The following NDUFA8 variants were observed in gnomAD, a reference collection of about 807,000 sequenced individuals.
NDUFA8 encodes the protein NADH:ubiquinone oxidoreductase subunit A8, also known as NADH dehydrogenase [ubiquinone] 1 alpha subcomplex subunit 8.
NDUFA8 carries 16 observed loss-of-function variants against 20.9 expected under a neutral mutation model. The observed-to-expected ratio is 0.77, with a 90% CI of 0.52 to 1.16. The LOEUF is 1.16. NDUFA8 is among the 50% of genes most tolerant of loss of function. The probability of loss-of-function intolerance (pLI) is 0.00; values close to 1 mark genes in which losing one functional copy is unlikely to be tolerated. For synonymous variants in NDUFA8, 70 were observed against 76.1 expected (o/e 0.92, Z 0.41); for missense variants, 202 against 216.4 (o/e 0.93, Z 0.42).
chr9:122,159,552 C>A, intron 1 of NDUFA8, 75 bp downstream of exon 1: 1 of 1,583,938 alleles, frequency 6.3e-7, no homozygotes, highest in Non-Finnish European at 8.7e-7. Flanking sequence ...ATCCGCGGAG[C>A]CCAAGGGGGG....
the NDUFA8 span, among the ~76,000 whole-genome samples, chr9:122,134,269 C>T: frequency 3.3e-5 from 5 of 152,096 alleles, no homozygotes; most frequent in South Asian, 2.1e-4. Flanking sequence ...GTGTTATCTC[C>T]GTATGGTAGG....
chr9:122,158,753 A>C (rs182599732), intron 1 of NDUFA8, among the ~76,000 whole-genome samples: 1 of 148,958 alleles, frequency 6.7e-6, no homozygotes, highest in African/African-American at 2.5e-5. Context: ...ATATATATAT[A>C]TGGTATATAT....
Position 122,152,225 on chromosome 9 carries a change from C to A in NDUFA8, c.215+20G>T, listed in dbSNP as rs960472101. On this transcript the variant is annotated intron_variant, in intron 2 of 3. Transcript: ENST00000373768. ...CCTTTATGCTTCAACCAAGTAGGCA[C>A]TGATACCAAAGATTTTTACCTAAAG... The A allele has an allele frequency of 3.1e-6, 5 of 1,614,012 alleles. No individual in the cohort carries two copies. The highest frequency in any genetic ancestry group is 1.6e-4 in the Middle Eastern group (1 of 6,084).
chr9:122,138,418 G>A, the NDUFA8 span, among the ~76,000 whole-genome samples: 1 of 152,124 alleles, frequency 6.6e-6, no homozygotes, highest in Admixed American at 6.5e-5. Flanking sequence ...GGATTTCTGG[G>A]CTTCTTTTTT....
rs1359352862 is a variant in NDUFA8 at position 122,159,479 on chromosome 9, G to A, written c.51+148C>T. 2.0e-5 allele frequency: 18 copies of A among 914,086 alleles called. No homozygotes were observed. In the East Asian group the frequency reaches 4.4e-4, roughly 22 times the overall value. 56.6% of individuals were successfully genotyped at this position (914,086 alleles called of 1,614,324 possible). A position where few individuals can be genotyped will look rare whatever the true frequency, so the allele number is the denominator to read the frequency against. ...GAGGCGACTCCCAAAGCTGCGGAGG[G>A]GACCTCCGGGGGTCGACCTGTATAT... On this transcript the variant is annotated intron_variant, in intron 1 of 3. Transcript: ENST00000373768.
chr9:122,159,062 G>A (rs1328847924), intron 1 of NDUFA8, among the ~76,000 whole-genome samples: 2 of 152,092 alleles, frequency 1.3e-5, no homozygotes, highest in Non-Finnish European at 2.9e-5. Context: ...AGCGTTATGT[G>A]TACACGTTAA....
intron 2 of NDUFA8, among the ~76,000 whole-genome samples, chr9:122,151,987 G>A (rs909208436): frequency 1.9e-4 from 29 of 152,028 alleles, no homozygotes; most frequent in Admixed American, 1.8e-3. Flanking sequence ...TAGCAAAAAT[G>A]GTCACCAGTC....
the NDUFA8 span, among the ~76,000 whole-genome samples, chr9:122,137,844 C>A: frequency 6.6e-6 from 1 of 152,304 alleles, no homozygotes; most frequent in South Asian, 2.1e-4. Context: ...AAGAAACTGG[C>A]TGAAAGGGGA....
At chr9:122,159,168 T>C (rs977343041) in intron 1 of NDUFA8, among the ~76,000 whole-genome samples, 6 of 152,172 alleles carry the variant, frequency 3.9e-5, no homozygotes, top group Admixed American at 3.3e-4. Flanking sequence ...CGCTCCAATA[T>C]TGTCTCATTT....
intron 3 of NDUFA8, among the ~76,000 whole-genome samples, chr9:122,147,344 G>C (rs1391125572): frequency 2.0e-5 from 3 of 152,166 alleles, no homozygotes; most frequent in African/African-American, 7.2e-5. Flanking sequence ...TGTTTCAACA[G>C]ATGGTGGTGT....
chr9:122,148,528 G>A (rs919871387), intron 2 of NDUFA8, among the ~76,000 whole-genome samples: 1 of 152,122 alleles, frequency 6.6e-6, no homozygotes, highest in Non-Finnish European at 1.5e-5. Context: ...GTAGCCTAAT[G>A]CACGCCTATT....
intron 1 of NDUFA8, among the ~76,000 whole-genome samples, chr9:122,153,004 C>T (rs1829028197): frequency 6.6e-6 from 1 of 152,020 alleles, no homozygotes; most frequent in South Asian, 2.1e-4. Context: ...GTGGCTCATA[C>T]AGGTAATCCC....
intron 3 of NDUFA8, among the ~76,000 whole-genome samples, chr9:122,144,593 T>C (rs1828874216): frequency 6.6e-6 from 1 of 152,138 alleles, no homozygotes; most frequent in Middle Eastern, 3.2e-3. Context: ...AAACTAGGGA[T>C]ACAGAAGGGA....
At chr9:122,154,680 T>C (rs1478263783) in intron 1 of NDUFA8, among the ~76,000 whole-genome samples, 2 of 152,212 alleles carry the variant, frequency 1.3e-5, no homozygotes, top group African/African-American at 2.4e-5. Context: ...TCCTATTTTA[T>C]TGCTTTAACC....
intron 1 of NDUFA8, among the ~76,000 whole-genome samples, chr9:122,157,692 G>T (rs1181510543): frequency 6.8e-6 from 1 of 147,234 alleles, no homozygotes; most frequent in East Asian, 2.1e-4. Context: ...TCGCCGGGGG[G>T]AACAAAAGAG....
intron 1 of NDUFA8, among the ~76,000 whole-genome samples, chr9:122,152,738 G>A (rs1255571533): frequency 2.6e-5 from 4 of 151,888 alleles, no homozygotes; most frequent in Non-Finnish European, 5.9e-5. Context: ...AAAATCTATG[G>A]TGATTTAGAG....
At chr9:122,140,948 C>G (rs1472428715), downstream of NDUFA8, among the ~76,000 whole-genome samples, 1 of 152,158 alleles carries the variant, frequency 6.6e-6, no homozygotes, top group East Asian at 1.9e-4. Flanking sequence ...GCCCAACCAT[C>G]ATACTACATT....
intron 2 of NDUFA8, among the ~76,000 whole-genome samples, chr9:122,149,924 T>G (rs1828966192): frequency 6.6e-6 from 1 of 151,808 alleles, no homozygotes; most frequent in South Asian, 2.1e-4. Context: ...GCCACAGCAC[T>G]ACAGCCTGGG....
chr9:122,132,968 G>C, the NDUFA8 span: 1 of 455,960 alleles, frequency 2.2e-6, no homozygotes, highest in African/African-American at 2.0e-5. Flanking sequence ...CCTTGGGAAA[G>C]TCACCCCTAG....
Sources: allele counts gnomAD v4.1 joint callset (sites outside exome capture counted in the v4.1 genomes callset), GRCh38; gene constraint gnomAD v4.1.1; transcripts MANE v1.5; gene names NCBI Gene and HGNC (gene_info 2026-07-23, HGNC 2026-07-21).